The following SHANK2 variants were observed in gnomAD, a reference collection of about 807,000 sequenced individuals.
SHANK2 encodes SH3 and multiple ankyrin repeat domains 2, also known as SH3 and multiple ankyrin repeat domains protein 2.
Under a neutral mutation model 133.7 loss-of-function variants are expected in SHANK2, and 43 were observed. The ratio of observed to expected loss-of-function variants is 0.32; its 90% CI spans 0.25 to 0.41. The LOEUF (loss-of-function observed/expected upper bound fraction) is 0.41. SHANK2 is among the 10% of genes least tolerant of loss of function. The probability of loss-of-function intolerance (pLI) is 1.00; values close to 1 mark genes in which losing one functional copy is unlikely to be tolerated. For synonymous variants in SHANK2, 1,017 were observed against 952.8 expected, an observed-to-expected ratio of 1.07 and a Z score of -1.24; for missense variants, 1,994 against 2,235.8, an observed-to-expected ratio of 0.89 and a Z score of 2.18.
At chr11:70,600,506 C>T (rs529038012) in intron 17 of SHANK2, among the ~76,000 whole-genome samples, 4 of 150,244 alleles carry the variant, frequency 2.7e-5, no homozygotes, top group Admixed American at 6.6e-5. Context: ...AAAGAGCCAA[C>T]GATTGCTCAA....
chr11:70,799,347 A>G (rs1438826715), intron 13 of SHANK2, among the ~76,000 whole-genome samples: 1 of 152,024 alleles, frequency 6.6e-6, no homozygotes, highest in African/African-American at 2.4e-5. Context: ...AGTTGCAGTG[A>G]GCCAAGATTG....
chr11:70,727,340 T>C (rs1210058395), intron 14 of SHANK2, among the ~76,000 whole-genome samples: 1 of 152,226 alleles, frequency 6.6e-6, no homozygotes, highest in Non-Finnish European at 1.5e-5. Flanking sequence ...ATACTTCACA[T>C]ATGAACTGCT....
chr11:70,834,559 C>T (rs1014783878), intron 11 of SHANK2, among the ~76,000 whole-genome samples: 10 of 152,350 alleles, frequency 6.6e-5, no homozygotes, highest in Middle Eastern at 6.8e-3. Flanking sequence ...GCCCATCCCC[C>T]ACCAGATCCA....
chr11:71,184,267 A>G (rs4944282), intron 2 of SHANK2, among the ~76,000 whole-genome samples: 24,656 of 152,100 alleles, frequency 0.16, 2,172 homozygotes, highest in South Asian at 0.27. Context: ...GCTCTGACTC[A>G]ATGGCCCACA....
At chr11:70,668,238 T>A (rs1374504459) in intron 15 of SHANK2, 1 of 152,100 alleles carries the variant, frequency 6.6e-6, no homozygotes, top group East Asian at 1.9e-4. Context: ...TAGTTAAGGG[T>A]CTTGAGTTGA....
At position 70,486,821 on chromosome 11, in the gene SHANK2, C is replaced by T. The variant is rs781911887; in HGVS notation, c.3472G>A (p.Val1158Met). 12 of 1,612,448 alleles carry T rather than the reference C, an allele frequency of 7.4e-6. No homozygotes were observed. In the South Asian group the frequency reaches 7.7e-5, roughly 10 times the overall value. Residue 1158 changes from valine to methionine, a missense_variant, in exon 25 of 26, where the codon GTG becomes ATG. Val to Met is a conservative substitution (Grantham distance 21). This residue lies in a region of SHANK2 where 797 missense variants were observed against 907.4 expected (regional missense o/e 0.88). Transcript: ENST00000601538. This position sits in a 1 kb window ranked among gnomAD's most constrained non-coding sequence, Gnocchi z 8.0. The part of the protein sequence containing the change: ...ATPREPENHF[V>M]GGAEASAPGE... ...GGAGCACTGGCCTCGGCGCCACCCA[C>T]GAAATGGTTTTCGGGCTCCCTGGGC... is the stretch of plus-strand genomic sequence containing the variant.
At chr11:71,143,092 G>A (rs782556659) in intron 3 of SHANK2, among the ~76,000 whole-genome samples, 12 of 152,192 alleles carry the variant, frequency 7.9e-5, no homozygotes, top group African/African-American at 1.7e-4. Context: ...AAAATTAGCC[G>A]GGCATGGCGG....
chr11:71,161,885 T>G (rs1953026596), intron 2 of SHANK2, among the ~76,000 whole-genome samples: 2 of 152,218 alleles, frequency 1.3e-5, no homozygotes, highest in Admixed American at 1.3e-4. Flanking sequence ...TTTACAGAGT[T>G]GACTATTTTT....
chr11:70,846,282 G>A (rs1198424177), intron 11 of SHANK2, among the ~76,000 whole-genome samples: 1 of 151,822 alleles, frequency 6.6e-6, no homozygotes, highest in Non-Finnish European at 1.5e-5. Context: ...ATTATTATTA[G>A]AAACACGGTC....
chr11:70,932,429 GC>G (rs1555082670), intron 10 of SHANK2, among the ~76,000 whole-genome samples: 2 of 152,238 alleles, frequency 1.3e-5, no homozygotes, highest in Non-Finnish European at 2.9e-5. Flanking sequence ...CGCACGTGCG[GC>G]CCCGCTAAGG....
At chr11:71,127,995 C>G (rs1175219947) in intron 3 of SHANK2, among the ~76,000 whole-genome samples, 2 of 152,218 alleles carry the variant, frequency 1.3e-5, no homozygotes, top group Non-Finnish European at 2.9e-5. Flanking sequence ...ACTCTCCTTT[C>G]CACCGGGGCC....
In SHANK2 at chr11:70,485,410, T is replaced by G; in HGVS notation, c.4883A>C (p.Asn1628Thr). 1.9e-6 allele frequency: 3 copies of G among 1,613,898 alleles called. No homozygotes were observed. Among genetic ancestry groups the G allele is most frequent in the Non-Finnish European group, 2.5e-6 (3 of 1,180,004 alleles). Residue 1628 changes from asparagine (N) to threonine (T), a missense_variant, in exon 25 of 26, where the codon AAC becomes ACC. Transcript: ENST00000601538. This position sits in a 1 kb window ranked among gnomAD's most constrained non-coding sequence, Gnocchi z 5.8. ...GPKANVISEL[N>T]SILQQMNREK... ...TCGGTTCATTTGCTGTAGGATAGAG[T>G]TCAATTCACTAATAACGTTTGCCTT...
At chr11:70,888,413 A>G (rs555597788) in intron 11 of SHANK2, among the ~76,000 whole-genome samples, 2 of 152,160 alleles carry the variant, frequency 1.3e-5, no homozygotes, top group Non-Finnish European at 2.9e-5. Flanking sequence ...AGTCAGATAA[A>G]ACATTGCCCT....
intron 2 of SHANK2, among the ~76,000 whole-genome samples, chr11:71,166,941 C>T (rs1326291338): frequency 7.3e-6 from 1 of 137,494 alleles, no homozygotes; most frequent in African/African-American, 2.5e-5. Context: ...TGCGGCCTTC[C>T]GCAGTGTTTG....
chr11:70,820,709 C>A (rs782140040), intron 11 of SHANK2, 27 bp from the exon 12 acceptor site: 1 of 640,844 alleles, frequency 1.6e-6, no homozygotes, highest in Admixed American at 2.3e-5. Context: ...GGAGAGAGGC[C>A]GGTGAGTGCA....
At chr11:70,889,373 C>G (rs1949802766) in intron 11 of SHANK2, among the ~76,000 whole-genome samples, 1 of 152,180 alleles carries the variant, frequency 6.6e-6, no homozygotes, top group African/African-American at 2.4e-5. Context: ...TTTTGGACTT[C>G]TGGCCTTCAA....
chr11:70,618,732 C>T (rs543596947), intron 17 of SHANK2, among the ~76,000 whole-genome samples: 1 of 152,350 alleles, frequency 6.6e-6, no homozygotes, highest in East Asian at 1.9e-4. Context: ...CCGCCGCTTA[C>T]CCTCATCACG....
At chr11:71,166,966 T>G (rs1469272282) in intron 2 of SHANK2, among the ~76,000 whole-genome samples, 1 of 139,182 alleles carries the variant, frequency 7.2e-6, no homozygotes, top group Admixed American at 7.1e-5. Context: ...CCTGGGTACT[T>G]GAGATTAGGG....
chr11:70,928,200 G>A (rs1406844638), intron 10 of SHANK2, among the ~76,000 whole-genome samples: 7 of 152,096 alleles, frequency 4.6e-5, no homozygotes, highest in African/African-American at 1.2e-4. Flanking sequence ...GGGCATTGTC[G>A]CCGATACCTG....
Sources: allele counts gnomAD v4.1 joint callset (sites outside exome capture counted in the v4.1 genomes callset), GRCh38; gene constraint gnomAD v4.1.1; regional missense constraint gnomAD v4.1.1; non-coding constraint Gnocchi (gnomAD v3.1); transcripts MANE v1.5; gene names NCBI Gene and HGNC (gene_info 2026-07-23, HGNC 2026-07-21).